The following ZNF273 variants were observed in gnomAD, a reference collection of about 807,000 sequenced individuals.
ZNF273 encodes zinc finger protein 273, also known as zinc finger protein 9.
ZNF273 carries 11 observed loss-of-function variants against 14.9 expected under a neutral mutation model. The ratio of observed to expected loss-of-function variants is 0.74; its 90% CI spans 0.46 to 1.22. The LOEUF (loss-of-function observed/expected upper bound fraction) is 1.22. Among genes scored for constraint, ZNF273 ranks in the 50% most tolerant of loss-of-function variants. The probability of loss-of-function intolerance (pLI) is 0.00; values close to 1 mark genes in which losing one functional copy is unlikely to be tolerated. For synonymous variants in ZNF273, 199 were observed against 223.9 expected (o/e 0.89, Z 0.99); for missense variants, 577 against 660.6 (o/e 0.87, Z 1.39).
chr7:64,921,605 CTTTTTTTTTTTTTTTT>C (rs752363426), intron 3 of ZNF273, among the ~76,000 whole-genome samples: 5 of 57,928 alleles, frequency 8.6e-5, no homozygotes, highest in Non-Finnish European at 1.6e-4. Flanking sequence ...CATGCTAATG[CTTTTTTTTTTTTTTTT>C]TTTTTTTTTT....
chr7:64,879,244 G>A (rs1791189009), intron 2 of ZNF273, among the ~76,000 whole-genome samples: 1 of 152,180 alleles, frequency 6.6e-6, no homozygotes, highest in Non-Finnish European at 1.5e-5. Context: ...CTGGCTGCAG[G>A]CCAGATTGTG....
At chr7:64,894,983 A>C (rs930285068) in intron 3 of ZNF273, among the ~76,000 whole-genome samples, 34 of 152,106 alleles carry the variant, frequency 2.2e-4, no homozygotes, top group African/African-American at 8.2e-4. Context: ...CAAAAAAAAA[A>C]AAAATTAGCT....
chr7:64,889,885 G>T, downstream of ZNF273: 1 of 504,058 alleles, frequency 2.0e-6, no homozygotes, highest in Non-Finnish European at 2.6e-6. This position sits in a 1 kb window ranked among gnomAD's most constrained non-coding sequence, Gnocchi z 4.2. Flanking sequence ...TTCTTTTGCT[G>T]GCAGTCAGAG....
At chr7:64,902,836 G>A (rs1792815812), upstream of ZNF273, among the ~76,000 whole-genome samples, 1 of 152,200 alleles carries the variant, frequency 6.6e-6, no homozygotes, top group African/African-American at 2.4e-5. Context: ...GGGAAAAGGA[G>A]GCAATCAGAT....
At chr7:64,881,044 G>A (rs1173552130), downstream of ZNF273, among the ~76,000 whole-genome samples, 5 of 152,142 alleles carry the variant, frequency 3.3e-5, no homozygotes, top group Admixed American at 1.3e-4. Context: ...AAACAGGTGC[G>A]GACAGATGAT....
chr7:64,923,682 G>T, intron 3 of ZNF273: 1 of 207,206 alleles, frequency 4.8e-6, no homozygotes, highest in Admixed American at 5.4e-5. Flanking sequence ...TGAATGATTT[G>T]GTGACAGAAA....
chr7:64,926,482 A>G (rs1794770315), intron 3 of ZNF273, among the ~76,000 whole-genome samples: 1 of 151,818 alleles, frequency 6.6e-6, no homozygotes, highest in African/African-American at 2.4e-5. Flanking sequence ...TTATCCTCAT[A>G]TTTCTGATTT....
intron 2 of ZNF273, 58 bp from the exon 3 acceptor site, chr7:64,918,136 TTAC>T (rs1794143370): frequency 6.8e-7 from 1 of 1,466,572 alleles, no homozygotes; most frequent in Middle Eastern, 1.8e-4. Flanking sequence ...ACTGAGCACA[TTAC>T]TGGTTGATAA....
chr7:64,896,453 C>T (rs1032256256), intron 3 of ZNF273, among the ~76,000 whole-genome samples: 1 of 152,096 alleles, frequency 6.6e-6, no homozygotes, highest in African/African-American at 2.4e-5. Context: ...TACAGAAACC[C>T]AGTCTGTTAT....
intron 3 of ZNF273, chr7:64,924,531 A>ATG (rs1562964301): frequency 1.3e-4 from 20 of 151,704 alleles, no homozygotes; most frequent in African/African-American, 4.4e-4. Context: ...ACACACACAC[A>ATG]CACGCGCGCG....
At chr7:64,886,556 T>C in intron 1 of ZNF273, among the ~76,000 whole-genome samples, 1 of 152,220 alleles carries the variant, frequency 6.6e-6, no homozygotes, top group Non-Finnish European at 1.5e-5. Flanking sequence ...TCTGATGCAG[T>C]GGCACTGAGC....
upstream of ZNF273, among the ~76,000 whole-genome samples, chr7:64,900,223 C>T (rs1276040849): frequency 6.6e-6 from 1 of 151,534 alleles, no homozygotes; most frequent in African/African-American, 2.4e-5. Context: ...ATTTTCAAGG[C>T]TGAAGTAATC....
At chr7:64,933,649 A>C (rs1436109304), downstream of ZNF273, 1 of 152,208 alleles carries the variant, frequency 6.6e-6, no homozygotes, top group East Asian at 1.9e-4. Context: ...CAGATGACAA[A>C]AGCCACACAA....
chr7:64,932,867 G>A (rs34640216), downstream of ZNF273, among the ~76,000 whole-genome samples: 2 of 151,948 alleles, frequency 1.3e-5, no homozygotes, highest in Admixed American at 6.5e-5. Flanking sequence ...TTTTCACACA[G>A]AATCTATTTT....
At chr7:64,900,866 C>T (rs150035009), upstream of ZNF273, among the ~76,000 whole-genome samples, 58 of 152,296 alleles carry the variant, frequency 3.8e-4, no homozygotes, top group African/African-American at 1.3e-3. Flanking sequence ...CAAGAACACT[C>T]TCTGTCACAG....
chr7:64,927,917 A>G lies in ZNF273; in HGVS notation c.589A>G (p.Lys197Glu). 6.2e-7 allele frequency: 1 copy of G among 1,613,414 alleles called. No individual in the cohort carries two copies. Among genetic ancestry groups the G allele is most frequent in the East Asian group, 2.2e-5 (1 of 44,838 alleles). ...TAAATTCTCAAATTCAAATATACAT[A>G]AGAAAAGACAAACTGGAAAGAAACC... is the stretch of plus-strand genomic sequence containing the variant. ...LHKFSNSNIH[K>E]KRQTGKKPFK... Residue 197 changes from lysine to glutamate, a missense_variant, in exon 4 of 4, where the codon AAG becomes GAG. Around this residue, in one of 3 missense-constraint regions of ZNF273, gnomAD observed 411 missense variants for 440.4 expected, o/e 0.93. Transcript: ENST00000476120.
At chr7:64,892,567 C>T (rs1372009258), downstream of ZNF273, among the ~76,000 whole-genome samples, 2 of 152,120 alleles carry the variant, frequency 1.3e-5, no homozygotes, top group African/African-American at 2.4e-5. Flanking sequence ...TCATAAAAAA[C>T]TAGGATGTGG....
chr7:64,905,217 G>A (rs1016818428), intron 1 of ZNF273, among the ~76,000 whole-genome samples: 1 of 147,918 alleles, frequency 6.8e-6, no homozygotes, highest in African/African-American at 2.5e-5. Flanking sequence ...CCAGGTTCAA[G>A]CGATTCTCCA....
chr7:64,888,017 C>T (rs549897008), intron 1 of ZNF273, among the ~76,000 whole-genome samples: 1 of 152,208 alleles, frequency 6.6e-6, no homozygotes, highest in South Asian at 2.1e-4. Context: ...ACTCCCCCAT[C>T]CCTGAGAAGT....
Sources: allele counts gnomAD v4.1 joint callset (sites outside exome capture counted in the v4.1 genomes callset), GRCh38; gene constraint gnomAD v4.1.1; regional missense constraint gnomAD v4.1.1; non-coding constraint Gnocchi (gnomAD v3.1); transcripts MANE v1.5; gene names NCBI Gene and HGNC (gene_info 2026-07-23, HGNC 2026-07-21).